SCML4: variants seen among roughly 807,000 people sequenced by gnomAD.
SCML4 encodes sex comb on midleg-like protein 4.
SCML4 carries 34 observed loss-of-function variants against 41.1 expected under a neutral mutation model. The ratio of observed to expected loss-of-function variants is 0.83; its 90% CI spans 0.63 to 1.10. The LOEUF (loss-of-function observed/expected upper bound fraction) is 1.10, where lower values mean the gene tolerates loss of function less well. Ranked by LOEUF, SCML4 falls within the 50% of genes least tolerant of loss-of-function variation. The probability of loss-of-function intolerance (pLI) is 0.00; values close to 1 mark genes in which losing one functional copy is unlikely to be tolerated. For synonymous variants in SCML4, 214 were observed against 220.9 expected, an observed-to-expected ratio of 0.97 and a Z score of 0.28; for missense variants, 522 against 534.1, an observed-to-expected ratio of 0.98 and a Z score of 0.22.
At chr6:107,795,072 CTT>C (rs564542297) in intron 1 of SCML4, among the ~76,000 whole-genome samples, 126 of 152,132 alleles carry the variant, frequency 8.3e-4, no homozygotes, top group Non-Finnish European at 1.6e-3. Flanking sequence ...ATAAGTTCAC[CTT>C]CTGAGTTTCT....
rs941039320 is a variant in SCML4 at position 107,702,505 on chromosome 6, G to T, written c.*2695C>A. 6.6e-6 allele frequency among the ~76,000 whole-genome samples: 1 copy of T among 152,192 alleles called. No individual in the cohort carries two copies. Among genetic ancestry groups the T allele is most frequent in the Non-Finnish European group, 1.5e-5 (1 of 68,034 alleles). ...GAAGTCACTACATGAGGTATCTGTT[G>T]ATGGAAGAGGTACCACAAGTATCGG... is the stretch of plus-strand genomic sequence containing the variant. On this transcript the variant is annotated 3_prime_UTR_variant, in exon 8 of 8. Transcript: ENST00000369020.
At chr6:107,708,968 T>G (rs1370343873) in intron 6 of SCML4, among the ~76,000 whole-genome samples, 1 of 152,172 alleles carries the variant, frequency 6.6e-6, no homozygotes, top group African/African-American at 2.4e-5. Flanking sequence ...CTCCCCTTTT[T>G]GTGTTTCCCA....
At chr6:107,784,602 C>A (rs898434419) in intron 1 of SCML4, among the ~76,000 whole-genome samples, 7 of 152,200 alleles carry the variant, frequency 4.6e-5, no homozygotes, top group Admixed American at 4.6e-4. Flanking sequence ...GAGAGAGGAA[C>A]GGTTTTTTTC....
the SCML4 span, among the ~76,000 whole-genome samples, chr6:107,832,146 C>T: frequency 2.0e-5 from 3 of 151,066 alleles, no homozygotes; most frequent in Non-Finnish European, 4.4e-5. Context: ...GGCTGAGGCA[C>T]GAGAATCGTT....
At chr6:107,805,114 A>G (rs1783626720) in intron 1 of SCML4, among the ~76,000 whole-genome samples, 1 of 152,186 alleles carries the variant, frequency 6.6e-6, no homozygotes, top group South Asian at 2.1e-4. Context: ...AGGAAGCAAA[A>G]AGAGGGATCA....
At chr6:107,731,677 C>A (rs746095719) in intron 5 of SCML4, among the ~76,000 whole-genome samples, 11 of 152,238 alleles carry the variant, frequency 7.2e-5, no homozygotes, top group Non-Finnish European at 1.2e-4. Flanking sequence ...TGGTCAGTGT[C>A]CTGTGGCCTC....
At chr6:107,713,641 C>A (rs1247893079) in intron 6 of SCML4, among the ~76,000 whole-genome samples, 4 of 152,258 alleles carry the variant, frequency 2.6e-5, no homozygotes, top group Admixed American at 6.5e-5. Flanking sequence ...AGGGCTGGAG[C>A]CTGACCATAA....
Position 107,702,187 on chromosome 6 carries a change from G to A in SCML4, c.*3013C>T, listed in dbSNP as rs375101400. ...TGATGTGGCAGCATTTATTTTAAGA[G>A]TAATGAGATTTTTAAAAAGTCAAAC... On this transcript the variant is annotated 3_prime_UTR_variant, in exon 8 of 8. Transcript: ENST00000369020. Among the ~76,000 whole-genome samples the A allele has an allele frequency of 1.3e-5, 2 of 152,184 alleles. No individual in the cohort carries two copies. The highest frequency in any genetic ancestry group is 4.8e-5 in the African/African-American group (2 of 41,432).
chr6:107,764,351 G>C (rs533481653), intron 2 of SCML4, among the ~76,000 whole-genome samples: 123 of 152,328 alleles, frequency 8.1e-4, no homozygotes, highest in African/African-American at 2.6e-3. Context: ...ACTTTCTTAG[G>C]AAAGTAAAAT....
chr6:107,707,162 G>C (rs1171811191), intron 7 of SCML4, among the ~76,000 whole-genome samples: 1 of 151,340 alleles, frequency 6.6e-6, no homozygotes, highest in African/African-American at 2.4e-5. Flanking sequence ...TTAGCTGGGC[G>C]TGGTGGTGGG....
chr6:107,743,911 G>A, intron 5 of SCML4: 1 of 152,126 alleles, frequency 6.6e-6, no homozygotes, highest in East Asian at 1.9e-4. Flanking sequence ...TCCTTTTGTT[G>A]AATGCGCTAA....
At position 107,745,037 on chromosome 6, in the gene SCML4, G is replaced by A. The variant is rs538326075; in HGVS notation, c.594C>T (p.Cys198=). ...FLAKLCRSLL[C]DDLFSHQPFP... ...AGGGCTGGTGGCTGAAGAGGTCATC[G>A]CACAGGAGGCTTCGGCACAGCTTGG... Residue 198 remains cysteine, a synonymous_variant, in exon 5 of 8, where the codon TGC becomes TGT. Coordinates refer to ENST00000369020, the MANE Select transcript of SCML4 (RefSeq NM_198081.5). 239 of 1,614,094 alleles carry A rather than the reference G, an allele frequency of 1.5e-4. 1 individual carries two copies. In the South Asian group the frequency reaches 2.1e-3, roughly 14 times the overall value.
At chr6:107,713,348 G>A (rs376595747) in intron 6 of SCML4, among the ~76,000 whole-genome samples, 196 of 152,310 alleles carry the variant, frequency 1.3e-3, no homozygotes, top group African/African-American at 4.2e-3. Flanking sequence ...CTTCTCTGTT[G>A]TAAAATAAAA....
chr6:107,705,273 T>C lies in SCML4; in HGVS notation c.1172A>G (p.Tyr391Cys). Reference sequence around the variant, plus strand: ...TGCAGGTCCCAGCTTCAGGCCCAGGTACTTCATGACCATGTCACTCTTCAG... The same window carrying C: ...TGCAGGTCCCAGCTTCAGGCCCAGGCACTTCATGACCATGTCACTCTTCAG... ...LLLKSDMVMKYLGLKLGPALK... is the reference protein window; with the variant it reads ...LLLKSDMVMKCLGLKLGPALK... The change falls in exon 8 of 8, where the codon TAC (tyrosine) becomes TGC (cysteine). Residue 391 changes from tyrosine to cysteine, a missense_variant. Coordinates refer to ENST00000369020, the MANE Select transcript of SCML4 (RefSeq NM_198081.5). 6.4e-7 allele frequency: 1 copy of C among 1,551,488 alleles called. No homozygotes were observed. Among genetic ancestry groups the C allele is most frequent in the Non-Finnish European group, 8.7e-7 (1 of 1,146,604 alleles).
intron 1 of SCML4, among the ~76,000 whole-genome samples, chr6:107,789,139 A>T (rs918932723): frequency 9.2e-5 from 14 of 152,206 alleles, no homozygotes; most frequent in African/African-American, 2.9e-4. Flanking sequence ...CAAGTACTGC[A>T]AGACCAAGGT....
chr6:107,798,758 T>G (rs1246533891), intron 1 of SCML4, among the ~76,000 whole-genome samples: 2 of 152,120 alleles, frequency 1.3e-5, no homozygotes, highest in African/African-American at 4.8e-5. Context: ...CTCGTCCCTT[T>G]AGTCACATCC....
intron 5 of SCML4, among the ~76,000 whole-genome samples, chr6:107,730,471 A>C (rs1776429695): frequency 6.6e-6 from 1 of 152,250 alleles, no homozygotes; most frequent in African/African-American, 2.4e-5. Flanking sequence ...GGAGAATGCC[A>C]GCTTAACAAA....
At chr6:107,757,647 T>C (rs1341277322) in intron 2 of SCML4, among the ~76,000 whole-genome samples, 1 of 152,198 alleles carries the variant, frequency 6.6e-6, no homozygotes, top group Non-Finnish European at 1.5e-5. Flanking sequence ...TCCTCATCTG[T>C]AAAGATAATA....
At chr6:107,744,457 G>A (rs1777876916) in intron 5 of SCML4, among the ~76,000 whole-genome samples, 1 of 152,172 alleles carries the variant, frequency 6.6e-6, no homozygotes, top group African/African-American at 2.4e-5. Context: ...TCAAATCCCT[G>A]CAATAATAGA....
Sources: allele counts gnomAD v4.1 joint callset (sites outside exome capture counted in the v4.1 genomes callset), GRCh38; gene constraint gnomAD v4.1.1; transcripts MANE v1.5; gene names NCBI Gene and HGNC (gene_info 2026-07-23, HGNC 2026-07-21).